EPHB1: variants seen among roughly 807,000 people sequenced by gnomAD.
EPHB1 encodes EPH receptor B1, also known as ephrin type-B receptor 1.
In EPHB1, 30 loss-of-function variants were observed where a neutral mutation model predicts 94.4. The ratio of observed to expected loss-of-function variants is 0.32; its 90% CI spans 0.24 to 0.43. The LOEUF is 0.43. EPHB1 is among the 20% of genes least tolerant of loss of function. EPHB1 has a pLI of 1.00. For missense variants in EPHB1, 1,055 were observed against 1,308.3 expected (o/e 0.81, Z 2.99); for synonymous variants, 522 against 489.1 (o/e 1.07, Z -0.89).
chr3:134,909,966 G>A (rs1344856103), intron 1 of EPHB1, among the ~76,000 whole-genome samples: 1 of 152,192 alleles, frequency 6.6e-6, no homozygotes, highest in Non-Finnish European at 1.5e-5. Flanking sequence ...CAGGAAGATC[G>A]AGCAGAGAGA....
chr3:135,014,451 A>T (rs1935723577), intron 3 of EPHB1, among the ~76,000 whole-genome samples: 1 of 152,224 alleles, frequency 6.6e-6, no homozygotes, highest in African/African-American at 2.4e-5. Context: ...CCTAACTGAT[A>T]CAAGAGTGGT....
chr3:134,907,805 G>A (rs372508325), intron 1 of EPHB1, among the ~76,000 whole-genome samples: 4 of 152,214 alleles, frequency 2.6e-5, no homozygotes, highest in African/African-American at 7.2e-5. Context: ...CACAGTAGAT[G>A]TCATTGACTG....
intron 3 of EPHB1, among the ~76,000 whole-genome samples, chr3:135,092,707 C>T (rs926737781): frequency 6.6e-6 from 1 of 150,950 alleles, no homozygotes; most frequent in Admixed American, 6.6e-5. Context: ...CTCACTGCAA[C>T]CTCCACTTCC....
chr3:135,214,178 C>T (rs1943091349), intron 12 of EPHB1, among the ~76,000 whole-genome samples: 2 of 152,170 alleles, frequency 1.3e-5, no homozygotes, highest in Admixed American at 6.5e-5. Flanking sequence ...GAACTGCAAA[C>T]AGAACCATTC....
At chr3:134,897,830 G>A (rs1268665281) in intron 1 of EPHB1, among the ~76,000 whole-genome samples, 1 of 152,196 alleles carries the variant, frequency 6.6e-6, no homozygotes, top group Non-Finnish European at 1.5e-5. Context: ...CCTCCATGGG[G>A]AGAAACATCT....
rs35841212 is a variant in EPHB1, at chr3:134,810,276, A to AGTGTGTGTGTGTGTGTGT, written c.58+14604_58+14621dup. Among the ~76,000 whole-genome samples, 129 of 145,892 alleles carry AGTGTGTGTGTGTGTGTGT rather than the reference A, an allele frequency of 8.8e-4. 2 individuals are homozygous for AGTGTGTGTGTGTGTGTGT. The highest frequency in any genetic ancestry group is 6.1e-3 in the South Asian group (27 of 4,404). On this transcript the variant is annotated intron_variant, in intron 1 of 15. Transcript: ENST00000398015. ...CTTGAAGCGTGGGTAGCACAGGAGG[A>AGTGTGTGTGTGTGTGTGT]GTGTGTGTGTGTGTGTGTGTGTGTG...
chr3:134,980,379 A>G (rs934588934), intron 3 of EPHB1, among the ~76,000 whole-genome samples: 1 of 152,214 alleles, frequency 6.6e-6, no homozygotes, highest in South Asian at 2.1e-4. Context: ...CAGAAATCAC[A>G]TATGATCACT....
At chr3:135,024,472 G>C (rs1397695773) in intron 3 of EPHB1, among the ~76,000 whole-genome samples, 1 of 152,086 alleles carries the variant, frequency 6.6e-6, no homozygotes, top group Non-Finnish European at 1.5e-5. Context: ...CAACCACGTG[G>C]TTTAGAAACA....
chr3:134,809,371 T>G (rs1202753165), intron 1 of EPHB1, among the ~76,000 whole-genome samples: 1 of 816 alleles, frequency 1.2e-3, no homozygotes, highest in Non-Finnish European at 0.033. Flanking sequence ...AAAGAACAGA[T>G]TTTTTTTTTT....
At chr3:134,846,986 C>T (rs2036886515) in intron 1 of EPHB1, among the ~76,000 whole-genome samples, 2 of 152,112 alleles carry the variant, frequency 1.3e-5, no homozygotes. Context: ...ATTAATAGCC[C>T]TTACCCCTGG....
intron 12 of EPHB1, among the ~76,000 whole-genome samples, chr3:135,235,741 G>C (rs1189711628): frequency 6.6e-6 from 1 of 152,146 alleles, no homozygotes; most frequent in East Asian, 1.9e-4. Flanking sequence ...CATTTACCTA[G>C]GCCTGGAGTG....
chr3:134,877,331 C>T (rs550886550), intron 1 of EPHB1, among the ~76,000 whole-genome samples: 3 of 152,284 alleles, frequency 2.0e-5, no homozygotes, highest in South Asian at 2.1e-4. Flanking sequence ...ATATTGTAGG[C>T]GCTGGGCCCT....
chr3:134,954,957 TGA>T (rs1267403418), intron 3 of EPHB1, among the ~76,000 whole-genome samples: 1 of 151,304 alleles, frequency 6.6e-6, no homozygotes, highest in African/African-American at 2.4e-5. Context: ...AGAGAACAGG[TGA>T]GAGGGGAGTA....
chr3:135,017,168 T>A (rs1028121974), intron 3 of EPHB1, among the ~76,000 whole-genome samples: 8 of 152,136 alleles, frequency 5.3e-5, no homozygotes, highest in African/African-American at 1.9e-4. Context: ...AAGTGCAGGG[T>A]CTGTGTCACC....
intron 1 of EPHB1, among the ~76,000 whole-genome samples, chr3:134,812,265 T>C (rs6775289): frequency 0.99 from 151,159 of 152,336 alleles, 75,001 homozygotes; most frequent in East Asian, 1. Context: ...TGTCCCTTCA[T>C]GGTCATGTGC....
rs1940941908 is a variant in EPHB1 at position 135,144,412 on chromosome 3, C to A, written c.1298-9740C>A. Among the ~76,000 whole-genome samples, 3 of 152,280 alleles carry A rather than the reference C, an allele frequency of 2.0e-5. No homozygotes were observed. The South Asian group carries it at 6.2e-4, about 32-fold the overall frequency. ...AAAACACAGATTGCTGGGCCCACAC[C>A]CAGAGTTTCTGATTCACTGAGTCTA... On this transcript the variant is annotated intron_variant, in intron 5 of 15. Transcript: ENST00000398015.
At chr3:134,864,986 C>T (rs944735520) in intron 1 of EPHB1, among the ~76,000 whole-genome samples, 3 of 152,170 alleles carry the variant, frequency 2.0e-5, no homozygotes. Flanking sequence ...AGAATTTCTA[C>T]AGTTTTCCTC....
At chr3:134,915,377 A>T (rs2038543897) in intron 1 of EPHB1, among the ~76,000 whole-genome samples, 1 of 150,812 alleles carries the variant, frequency 6.6e-6, no homozygotes, top group Non-Finnish European at 1.5e-5. Context: ...GCATGTGACG[A>T]GGTAGGCAGA....
intron 1 of EPHB1, among the ~76,000 whole-genome samples, chr3:134,815,789 G>C (rs2036258124): frequency 6.6e-6 from 1 of 152,114 alleles, no homozygotes; most frequent in Non-Finnish European, 1.5e-5. Flanking sequence ...TTTTGACCTG[G>C]GGACATTTTG....
Sources: allele counts gnomAD v4.1 joint callset (sites outside exome capture counted in the v4.1 genomes callset), GRCh38; gene constraint gnomAD v4.1.1; transcripts MANE v1.5; gene names NCBI Gene and HGNC (gene_info 2026-07-23, HGNC 2026-07-21).